TJP3: variants seen among roughly 807,000 people sequenced by gnomAD.
TJP3 encodes tight junction protein 3.
TJP3 carries 85 observed loss-of-function variants against 104.2 expected under a neutral mutation model. The observed-to-expected ratio is 0.82, with a 90% confidence interval of 0.68 to 0.98. The LOEUF is 0.98. Among genes scored for constraint, TJP3 ranks in the 50% least tolerant of loss-of-function variants. The pLI is 0.00. For missense variants in TJP3, 1,367 were observed against 1,322.8 expected (o/e 1.03, Z -0.52); for synonymous variants, 550 against 550.6 (o/e 1.00, Z 0.02).
intron 1 of TJP3, among the ~76,000 whole-genome samples, chr19:3,717,207 C>T (rs1296275891): frequency 2.7e-5 from 4 of 145,638 alleles, no homozygotes; most frequent in Admixed American, 7.0e-5. Flanking sequence ...TCAGGTGATC[C>T]GCCCGCCTCG....
intron 15 of TJP3, 42 bp from the exon 16 acceptor site, chr19:3,745,969 G>C (rs2036881124): frequency 6.5e-7 from 1 of 1,537,080 alleles, no homozygotes; most frequent in Non-Finnish European, 8.9e-7. Context: ...AGGGGACGGG[G>C]GCTGCCCTCC....
At chr19:3,745,326 A>G (rs2036872785) in intron 15 of TJP3, among the ~76,000 whole-genome samples, 1 of 151,676 alleles carries the variant, frequency 6.6e-6, no homozygotes, top group Admixed American at 6.6e-5. Context: ...TTGTATTTTT[A>G]GTGGAGACAG....
intron 8 of TJP3, among the ~76,000 whole-genome samples, chr19:3,734,967 TTC>T (rs903943697): frequency 6.6e-6 from 1 of 152,000 alleles, no homozygotes; most frequent in African/African-American, 2.4e-5. Flanking sequence ...AAAAAAAAAT[TTC>T]TTTTTCCTCT....
chr19:3,742,707 C>T (rs1599161665), intron 14 of TJP3, among the ~76,000 whole-genome samples: 1 of 147,130 alleles, frequency 6.8e-6, no homozygotes, highest in African/African-American at 2.5e-5. Flanking sequence ...CTTTGGGAGG[C>T]CGAGGTGTAA....
intron 1 of TJP3, among the ~76,000 whole-genome samples, chr19:3,718,233 GTGTGTGTGTGTGTGTGTGTGTGTC>G (rs1420037053): frequency 1.8e-4 from 22 of 123,938 alleles, no homozygotes; most frequent in African/African-American, 5.5e-4. Context: ...GTGTGTGTGT[GTGTGTGTGTGTGTGTGTGTGTGTC>G]TGTGTGTGTG....
At chr19:3,733,194 C>A (rs2145686632) in intron 6 of TJP3, among the ~76,000 whole-genome samples, 1 of 151,950 alleles carries the variant, frequency 6.6e-6, no homozygotes, top group Non-Finnish European at 1.5e-5. Flanking sequence ...CACCACCACG[C>A]CCTGCTAATT....
Position 3,746,545 on chromosome 19 carries a change from T to A in TJP3, c.2071T>A (p.Tyr691Asn), listed in dbSNP as rs2036892278. 1 of 1,614,068 alleles carries A rather than the reference T, an allele frequency of 6.2e-7. No individual in the cohort carries two copies. Among genetic ancestry groups the A allele is most frequent in the Non-Finnish European group, 8.5e-7 (1 of 1,180,030 alleles). The change falls in exon 17 of 21, where the codon TAC (tyrosine) becomes AAC (asparagine). Residue 691 changes from tyrosine to asparagine, a missense_variant. By Grantham distance (143) the Tyr-to-Asn change is moderately radical. Transcript: ENST00000541714. The surrounding 1 kb of genome is among the most constrained non-coding windows in gnomAD (Gnocchi z 4.1). ...CATCGAGCGCCTCAACTATGTGCAGTACTACCCCATTGTGGTCTTCTTCAT... is the reference window on the plus strand; with the variant it reads ...CATCGAGCGCCTCAACTATGTGCAGAACTACCCCATTGTGGTCTTCTTCAT... ...SAIERLNYVQ[Y>N]YPIVVFFIPE... is the part of the protein sequence containing the mutation.
chr19:3,739,738 C>T (rs562745768), intron 13 of TJP3, among the ~76,000 whole-genome samples: 1 of 152,262 alleles, frequency 6.6e-6, no homozygotes, highest in Non-Finnish European at 1.5e-5. Flanking sequence ...CAGGAGAAAA[C>T]CAATTTTCCA....
chr19:3,708,881 A>C (rs2036408534), intron 1 of TJP3, among the ~76,000 whole-genome samples: 1 of 152,066 alleles, frequency 6.6e-6, no homozygotes, highest in Non-Finnish European at 1.5e-5. Flanking sequence ...CCCCTAACTG[A>C]GGAGGGGAGG....
At chr19:3,710,662 C>T (rs1392261712) in intron 1 of TJP3, among the ~76,000 whole-genome samples, 1 of 152,128 alleles carries the variant, frequency 6.6e-6, no homozygotes, top group African/African-American at 2.4e-5. Flanking sequence ...TTAGCGGAAG[C>T]CTAGGCTGGG....
rs1188138918 is a variant in TJP3 at position 3,730,407 on chromosome 19, C to T, written c.314C>T (p.Ser105Phe). The T allele has an allele frequency of 6.3e-7, 1 of 1,579,942 alleles. No homozygotes were observed. Among genetic ancestry groups the T allele is most frequent in the Admixed American group, 1.8e-5 (1 of 54,390 alleles). The change falls in exon 5 of 21, where the codon TCC becomes TTC. Residue 105 changes from serine to phenylalanine, a missense_variant. By Grantham distance (155) the Ser-to-Phe change is radical. Coordinates refer to ENST00000541714, the MANE Select transcript of TJP3 (RefSeq NM_001267560.2). The surrounding 1 kb of genome is among the most constrained non-coding windows in gnomAD (Gnocchi z 7.3). ...IHLPATKASP[S>F]SPGRQDSDED... ...CTGCCCGCCACCAAAGCCAGCCCCT[C>T]CAGCCCAGGGCGCCAGGACTCGGAT...
chr19:3,728,464 C>T lies in TJP3; in HGVS notation c.32C>T (p.Thr11Met), dbSNP rs752788324. MEELTIWEQHTATLSKDPRRG... is the reference protein window; with the variant it reads MEELTIWEQHMATLSKDPRRG... The stretch of plus-strand genomic sequence containing the variant: ...GAGCTGACCATCTGGGAACAGCACA[C>T]GGCCACACTGTCCAAGGTGAGGCCT... The change falls in exon 2 of 21, where the codon ACG becomes ATG. Residue 11 changes from threonine to methionine, a missense_variant. By Grantham distance (81) the Thr-to-Met change is moderately conservative. Coordinates refer to ENST00000541714, the MANE Select transcript of TJP3 (RefSeq NM_001267560.2). 1.5e-5 allele frequency: 24 copies of T among 1,612,796 alleles called. No individual in the cohort carries two copies. Among genetic ancestry groups the T allele is most frequent in the Admixed American group, 5.0e-5 (3 of 59,694 alleles).
At chr19:3,721,151 C>T (rs765246020) in intron 1 of TJP3, among the ~76,000 whole-genome samples, 9 of 152,114 alleles carry the variant, frequency 5.9e-5, no homozygotes, top group Admixed American at 2.0e-4. Context: ...CCGCTCGCCT[C>T]GGCCTCCCAA....
intron 15 of TJP3, among the ~76,000 whole-genome samples, chr19:3,744,338 C>T (rs2145701727): frequency 6.6e-6 from 1 of 152,300 alleles, no homozygotes; most frequent in South Asian, 2.1e-4. Context: ...ACACGACAGG[C>T]AAGGTCCCTT....
Position 3,750,649 on chromosome 19 carries a change from G to T in TJP3, c.2725G>T (p.Asp909Tyr). ...ACATGATGCGGAGTCCTCCGATGAA[G>T]ACGGCTATGACTGGGGTCCGGCCAC... ...RVHDAESSDE[D>Y]GYDWGPATDL Residue 909 changes from aspartate to tyrosine, a missense_variant, in exon 21 of 21, where the codon GAC becomes TAC. By Grantham distance (160) the Asp-to-Tyr change is radical. Coordinates refer to ENST00000541714, the MANE Select transcript of TJP3 (RefSeq NM_001267560.2). 1.2e-6 allele frequency: 2 copies of T among 1,606,796 alleles called. No individual in the cohort carries two copies. The highest frequency in any genetic ancestry group is 1.7e-6 in the Non-Finnish European group (2 of 1,176,672).
rs753415561 is a variant in TJP3 at position 3,736,270 on chromosome 19, G to A, written c.1233G>A (p.Ala411=). The change falls in exon 11 of 21, where the codon GCG becomes GCA. Residue 411 remains alanine (A), a synonymous_variant. Coordinates refer to ENST00000541714, the MANE Select transcript of TJP3 (RefSeq NM_001267560.2). ...DVGIFVSGVQ[A]GSPADGQGIQ... ...GCATCTTCGTGTCCGGGGTGCAGGC[G>A]GGCAGCCCGGCCGACGGGCAGGGCA... 42 of 1,544,138 alleles carry A rather than the reference G, an allele frequency of 2.7e-5. No homozygotes were observed. The highest frequency in any genetic ancestry group is 1.1e-4 in the South Asian group (9 of 79,590).
In TJP3 at chr19:3,735,540, C is replaced by T. The variant is rs759260203; in HGVS notation, c.987-26C>T. On this transcript the variant is annotated intron_variant, in intron 8 of 20. Coordinates refer to ENST00000541714, the MANE Select transcript of TJP3 (RefSeq NM_001267560.2). ...ATGGCCCCTTGAAATCCATCCCTGC[C>T]TCACTCCCAATCTGTTCCCCACCAG... 1.5e-5 allele frequency: 24 copies of T among 1,612,240 alleles called. 1 individual carries two copies. In the South Asian group the frequency reaches 2.5e-4, roughly 17 times the overall value.
At chr19:3,739,546 GAGGAGGTCCACAAA>G (rs1330859283) in intron 13 of TJP3, among the ~76,000 whole-genome samples, 2 of 152,194 alleles carry the variant, frequency 1.3e-5, no homozygotes, top group African/African-American at 4.8e-5. Context: ...GGTTCAATCT[GAGGAGGTCCACAAA>G]AGGCTCTGGG....
At position 3,750,123 on chromosome 19, in the gene TJP3, T is replaced by C. The variant is rs749711413; in HGVS notation, c.2611-15T>C. The C allele has an allele frequency of 1.9e-6, 3 of 1,614,060 alleles. No individual in the cohort carries two copies. In the East Asian group the frequency reaches 6.7e-5, roughly 36 times the overall value. On this transcript the variant is annotated splice_polypyrimidine_tract_variant and intron_variant, in intron 19 of 20. Transcript: ENST00000541714. Reference sequence around the variant, plus strand: ...TGGGGGGAGTTTTGAAGCTCCTCTCTCCCTCTCCTCCAAGGTGGACAGCCG... The same window carrying C: ...TGGGGGGAGTTTTGAAGCTCCTCTCCCCCTCTCCTCCAAGGTGGACAGCCG...
Sources: allele counts gnomAD v4.1 joint callset (sites outside exome capture counted in the v4.1 genomes callset), GRCh38; gene constraint gnomAD v4.1.1; non-coding constraint Gnocchi (gnomAD v3.1); transcripts MANE v1.5; gene names NCBI Gene and HGNC (gene_info 2026-07-23, HGNC 2026-07-21).